Variants in WNT2 observed in about 807,000 individuals in gnomAD.
WNT2 encodes Wnt family member 2.
Under a neutral mutation model 36.9 loss-of-function variants are expected in WNT2, and 12 were observed. That is an observed-to-expected ratio of 0.33 (90% CI 0.21 to 0.53). The LOEUF is 0.53. Among genes scored for constraint, WNT2 ranks in the 20% least tolerant of loss-of-function variants. The probability of loss-of-function intolerance (pLI) is 0.95; values close to 1 mark genes in which losing one functional copy is unlikely to be tolerated. For synonymous variants in WNT2, 163 were observed against 174.6 expected (o/e 0.93, Z 0.52); for missense variants, 379 against 473.1 (o/e 0.80, Z 1.84).
At chr7:117,301,048 C>CT (rs3840658) in intron 3 of WNT2, 66,493 of 151,938 alleles carry the variant, frequency 0.44, 14,590 homozygotes, top group East Asian at 0.57. Context: ...AACTTTCCTC[C>CT]TTTTTTTAGT....
At chr7:117,301,942 G>A (rs1333977439) in intron 3 of WNT2, among the ~76,000 whole-genome samples, 1 of 151,568 alleles carries the variant, frequency 6.6e-6, no homozygotes, top group East Asian at 1.9e-4. Flanking sequence ...TGAGTAGCTG[G>A]GATTACAGGT....
In WNT2 at chr7:117,280,906, A is replaced by G. The variant is rs190195721; in HGVS notation, c.854-2522T>C. 8.5e-5 allele frequency among the ~76,000 whole-genome samples: 13 copies of G among 152,374 alleles called. No individual in the cohort carries two copies. In the East Asian group the frequency reaches 2.5e-3, roughly 29 times the overall value. ...GTTCTGGGAACATGGGATATATCAG[A>G]GAAAAAAAATGAAGATCCTGCCCTC... On this transcript the variant is annotated intron_variant, in intron 4 of 4. Coordinates refer to ENST00000265441, the MANE Select transcript of WNT2 (RefSeq NM_003391.3).
At position 117,297,891 on chromosome 7, in the gene WNT2, A is replaced by C. The variant is rs766515141; in HGVS notation, c.589-15T>G. On this transcript the variant is annotated splice_polypyrimidine_tract_variant and intron_variant, in intron 3 of 4. Transcript: ENST00000265441. ...CGCTTTACAGCCTGCCGAAAAAGAC[A>C]GGGGCAAGTTCAGTGAGGTTCGAGC... 1 of 1,602,070 alleles carries C rather than the reference A, an allele frequency of 6.2e-7. No individual in the cohort carries two copies. Among genetic ancestry groups the C allele is most frequent in the Admixed American group, 1.7e-5 (1 of 59,634 alleles).
At chr7:117,311,327 A>G (rs1795118655) in intron 3 of WNT2, among the ~76,000 whole-genome samples, 1 of 152,218 alleles carries the variant, frequency 6.6e-6, no homozygotes, top group Admixed American at 6.5e-5. Context: ...CCCCGTACAT[A>G]TAGAAATATT....
chr7:117,283,196 T>G (rs1285871170), intron 4 of WNT2, among the ~76,000 whole-genome samples: 1 of 152,222 alleles, frequency 6.6e-6, no homozygotes, highest in Non-Finnish European at 1.5e-5. Flanking sequence ...GACTCAGGTT[T>G]AGAAATCTTT....
At chr7:117,311,048 G>A (rs1203092364) in intron 3 of WNT2, among the ~76,000 whole-genome samples, 1 of 152,154 alleles carries the variant, frequency 6.6e-6, no homozygotes, top group South Asian at 2.1e-4. Context: ...TAAAATAACT[G>A]TTGAACCAAA....
chr7:117,283,159 G>A (rs990243030), intron 4 of WNT2, among the ~76,000 whole-genome samples: 2 of 152,180 alleles, frequency 1.3e-5, no homozygotes, highest in Non-Finnish European at 1.5e-5. Flanking sequence ...AATACTCTCT[G>A]GGACTCAGGA....
chr7:117,297,187 C>T (rs185471948), intron 4 of WNT2, among the ~76,000 whole-genome samples: 3 of 152,284 alleles, frequency 2.0e-5, no homozygotes, highest in Non-Finnish European at 1.5e-5. Flanking sequence ...TGTGCACTGT[C>T]AATCCATTTC....
At chr7:117,287,358 A>T (rs1342077474) in intron 4 of WNT2, among the ~76,000 whole-genome samples, 1 of 152,012 alleles carries the variant, frequency 6.6e-6, no homozygotes. Context: ...AAAAACAAAA[A>T]CAAAAAGTTA....
At position 117,275,729 on chromosome 7, in the gene WNT2, T is replaced by C. The variant is rs11973869; in HGVS notation, c.*2426A>G. ...ACCTTCATTTGTTGTGTAATTTTTT[T>C]CCCGAACAATAGACATTTCCTCTTT... On this transcript the variant is annotated 3_prime_UTR_variant, in exon 5 of 5. Transcript: ENST00000265441. Among the ~76,000 whole-genome samples the C allele has an allele frequency of 0.079, 12,012 of 152,244 alleles. 590 individuals are homozygous for C. The highest frequency in any genetic ancestry group is 0.14 in the African/African-American group (5,754 of 41,538).
At chr7:117,297,012 A>G (rs1794802994) in intron 4 of WNT2, among the ~76,000 whole-genome samples, 1 of 152,208 alleles carries the variant, frequency 6.6e-6, no homozygotes. Flanking sequence ...GTGGGATTTA[A>G]TGTATCCTGC....
chr7:117,288,080 A>G (rs1332272412), intron 4 of WNT2, among the ~76,000 whole-genome samples: 2 of 152,204 alleles, frequency 1.3e-5, no homozygotes, highest in African/African-American at 4.8e-5. Context: ...TTCAGGCACC[A>G]TGGTGGCAGC....
rs1222169373 is a variant in WNT2 at position 117,279,938 on chromosome 7, GTC to G, written c.854-1556_854-1555del. On this transcript the variant is annotated intron_variant, in intron 4 of 4. Coordinates refer to ENST00000265441, the MANE Select transcript of WNT2 (RefSeq NM_003391.3). ...ATATCTCTGACGATGCCTCGTGACT[GTC>G]TCTCTGTTTATCACAGTCCGCTCTG... Among the ~76,000 whole-genome samples, 26 of 152,230 alleles carry G rather than the reference GTC, an allele frequency of 1.7e-4. No individual in the cohort carries two copies. The South Asian group carries it at 2.3e-3, about 13-fold the overall frequency.
intron 3 of WNT2, among the ~76,000 whole-genome samples, chr7:117,306,263 C>T (rs1029124663): frequency 6.6e-6 from 1 of 152,108 alleles, no homozygotes; most frequent in African/African-American, 2.4e-5. Flanking sequence ...ATTACATGTC[C>T]CATTCACATT....
chr7:117,298,068 G>T (rs1474664631), intron 3 of WNT2, among the ~76,000 whole-genome samples, 192 bp from the exon 4 acceptor site: 1 of 152,140 alleles, frequency 6.6e-6, no homozygotes, highest in Non-Finnish European at 1.5e-5. Flanking sequence ...CAGCAGGCAG[G>T]GGCAGTGGGT....
chr7:117,322,908 A>T lies in WNT2; in HGVS notation c.82T>A (p.Trp28Arg). The T allele has an allele frequency of 6.2e-7, 1 of 1,613,264 alleles. No individual in the cohort carries two copies. The highest frequency in any genetic ancestry group is 8.5e-7 in the Non-Finnish European group (1 of 1,179,800). Residue 28 changes from tryptophan (W) to arginine (R), a missense_variant and splice_region_variant, in exon 1 of 5, where the codon TGG becomes AGG. Trp to Arg is a moderately radical substitution (Grantham distance 101, BLOSUM62 -3). Transcript: ENST00000265441. The surrounding 1 kb of genome is among the most constrained non-coding windows in gnomAD (Gnocchi z 5.4). ...WLTPEVNSSWWYMRATGGSSR... is the reference protein window; with the variant it reads ...WLTPEVNSSWRYMRATGGSSR... ...CCGCGCCCGTGCGCGTGGACTTACCACCATGAAGAGTTGACCTCGGGGGTG... is the reference window on the plus strand; with the variant it reads ...CCGCGCCCGTGCGCGTGGACTTACCTCCATGAAGAGTTGACCTCGGGGGTG...
chr7:117,309,301 G>A (rs1795077463), intron 3 of WNT2, among the ~76,000 whole-genome samples: 3 of 152,088 alleles, frequency 2.0e-5, no homozygotes, highest in Non-Finnish European at 4.4e-5. Context: ...TCTGTAGGTG[G>A]AACTTAGAAG....
At chr7:117,300,331 C>T (rs549966108) in intron 3 of WNT2, among the ~76,000 whole-genome samples, 9 of 152,114 alleles carry the variant, frequency 5.9e-5, no homozygotes, top group South Asian at 2.1e-4. Flanking sequence ...GGACTACAGG[C>T]GCGGGTCACC....
chr7:117,315,340 C>A lies in WNT2; in HGVS notation c.319G>T (p.Glu107Ter). 3.7e-6 allele frequency: 6 copies of A among 1,611,856 alleles called. No homozygotes were observed. Among genetic ancestry groups the A allele is most frequent in the Non-Finnish European group, 4.2e-6 (5 of 1,178,920 alleles). The part of the protein sequence containing the change: ...FGRVLLRSSR[E>*]SAFVYAISSA... The stretch of plus-strand genomic sequence containing the variant: ...GAGATGGCATAAACAAAGGCAGATT[C>A]CCGACTACCTGAAACAAAAATGCTT... The change falls in exon 3 of 5, where the codon GAA becomes TAA. Residue 107 changes from glutamate (E) to a stop codon, truncating the protein, a stop_gained. Coordinates refer to ENST00000265441, the MANE Select transcript of WNT2 (RefSeq NM_003391.3). LOFTEE classifies it high-confidence loss of function.
Sources: gnomAD v4.1 joint callset for allele counts (sites outside exome capture counted in the v4.1 genomes callset) on GRCh38, gnomAD v4.1.1 for gene constraint, Gnocchi (gnomAD v3.1) non-coding constraint, MANE v1.5 for transcripts, NCBI Gene and HGNC (gene_info 2026-07-23, HGNC 2026-07-21) for gene names.